CREB5: variants seen among roughly 807,000 people sequenced by gnomAD.
CREB5 encodes cyclic AMP-responsive element-binding protein 5.
In CREB5, 19 loss-of-function variants were observed where a neutral mutation model predicts 57.1. The observed-to-expected ratio is 0.33, with a 90% confidence interval of 0.23 to 0.49. The LOEUF (loss-of-function observed/expected upper bound fraction) is 0.49, where lower values mean the gene tolerates loss of function less well. Ranked by LOEUF, CREB5 falls within the 20% of genes least tolerant of loss-of-function variation. The pLI is 0.99. For missense variants in CREB5, 579 were observed against 671.6 expected, an observed-to-expected ratio of 0.86 and a Z score of 1.52; for synonymous variants, 238 against 238.3, an observed-to-expected ratio of 1.00 and a Z score of 0.01.
intron 7 of CREB5, among the ~76,000 whole-genome samples, chr7:28,742,459 G>A (rs962698433): frequency 5.9e-5 from 9 of 151,852 alleles, no homozygotes; most frequent in African/African-American, 1.5e-4. Context: ...CCAGCTACTC[G>A]GGAGGCTGAG....
At chr7:28,704,438 C>T (rs935446831) in intron 5 of CREB5, among the ~76,000 whole-genome samples, 14 of 152,126 alleles carry the variant, frequency 9.2e-5, no homozygotes, top group Admixed American at 3.3e-4. Flanking sequence ...CTTTAACTGA[C>T]GTGTTGCTTC....
chr7:28,317,795 A>C (rs1023143356), intron 1 of CREB5, among the ~76,000 whole-genome samples: 12 of 152,190 alleles, frequency 7.9e-5, no homozygotes, highest in Admixed American at 2.6e-4. Context: ...ATGTCAGGCT[A>C]ATCTCTTCAT....
Position 28,754,372 on chromosome 7 carries a change from A to G in CREB5, c.702+30040A>G, listed in dbSNP as rs968200448. 2.6e-5 allele frequency among the ~76,000 whole-genome samples: 4 copies of G among 152,328 alleles called. No homozygotes were observed. The East Asian group carries it at 7.7e-4, about 29-fold the overall frequency. On this transcript the variant is annotated intron_variant, in intron 7 of 10. Transcript: ENST00000357727. ...GTTCCAAAGGAGAGCCAGAACTGCA[A>G]GGAGTAGCATGTGGCCAGAACCTCA...
intron 5 of CREB5, among the ~76,000 whole-genome samples, chr7:28,639,108 T>TCCTCTAGACTATTTGAATAATTATGAGTC (rs1193301981): frequency 3.9e-5 from 6 of 152,234 alleles, no homozygotes; most frequent in Non-Finnish European, 2.9e-5. Context: ...TAGTATTAGT[T>TCCTCTAGACTATTTGAATAATTATGAGTC]CCTCTAGACT....
intron 4 of CREB5, among the ~76,000 whole-genome samples, chr7:28,535,499 C>T (rs1429929214): frequency 7.1e-6 from 1 of 141,354 alleles, no homozygotes; most frequent in Non-Finnish European, 1.6e-5. Context: ...TCTCGACTTC[C>T]TCTTTCATTT....
chr7:28,326,212 CCTAT>C (rs1385704618), intron 1 of CREB5, among the ~76,000 whole-genome samples: 2 of 106,606 alleles, frequency 1.9e-5, no homozygotes, highest in African/African-American at 6.2e-5. Context: ...TATCTATCTA[CCTAT>C]CTATCTTGAA....
chr7:28,748,092 G>A (rs963438310), intron 7 of CREB5, among the ~76,000 whole-genome samples: 2 of 152,176 alleles, frequency 1.3e-5, no homozygotes, highest in Non-Finnish European at 2.9e-5. Context: ...TGGATAAGCA[G>A]GATAAAAAAT....
chr7:28,445,741 TG>T (rs1562721132), intron 1 of CREB5, among the ~76,000 whole-genome samples: 1 of 151,676 alleles, frequency 6.6e-6, no homozygotes, highest in Non-Finnish European at 1.5e-5. Flanking sequence ...TTAGTTGAGA[TG>T]GGGTTTCACT....
rs78273092 is a variant in CREB5 at position 28,803,290 on chromosome 7, A to G, written c.703-909A>G. ...AGTATTGGAAGGGACCATAAGAAAA[A>G]TCATGGTAACAGAAAAGACCTACAC... On this transcript the variant is annotated intron_variant, in intron 7 of 10. Transcript: ENST00000357727. Among the ~76,000 whole-genome samples the G allele has an allele frequency of 3.8e-3, 580 of 152,124 alleles. 5 individuals carry two copies. Among genetic ancestry groups the G allele is most frequent in the African/African-American group, 0.013 (551 of 41,470 alleles).
intron 1 of CREB5, among the ~76,000 whole-genome samples, chr7:28,476,485 A>G (rs909455302): frequency 1.3e-5 from 2 of 152,162 alleles, no homozygotes; most frequent in Admixed American, 1.3e-4. Flanking sequence ...AACATCCCTG[A>G]GTCAGATAAA....
intron 4 of CREB5, among the ~76,000 whole-genome samples, chr7:28,567,566 A>T (rs897026683): frequency 3.3e-5 from 5 of 152,202 alleles, no homozygotes; most frequent in Admixed American, 6.5e-5. Flanking sequence ...AACAGCTATT[A>T]ATCAAATAAT....
chr7:28,658,953 G>GTA (rs72106956), intron 5 of CREB5, among the ~76,000 whole-genome samples: 3,615 of 99,530 alleles, frequency 0.036, 288 homozygotes, highest in Middle Eastern at 0.083. Context: ...GTGTGTGTGT[G>GTA]TATATATATA....
At chr7:28,686,321 C>T in intron 5 of CREB5, 2 of 704,946 alleles carry the variant, frequency 2.8e-6, no homozygotes, top group South Asian at 1.7e-5. Context: ...TTCTCCCTTT[C>T]TGCCCGTCTT....
chr7:28,803,511 C>G (rs1034460806), intron 7 of CREB5, among the ~76,000 whole-genome samples: 5 of 152,176 alleles, frequency 3.3e-5, no homozygotes, highest in East Asian at 3.8e-4. Flanking sequence ...GTAATCCCAG[C>G]ACTTTAGGAG....
At chr7:28,813,074 A>ATATT (rs554083718) in intron 9 of CREB5, among the ~76,000 whole-genome samples, 5 of 152,226 alleles carry the variant, frequency 3.3e-5, no homozygotes, top group Non-Finnish European at 7.3e-5. Context: ...ATTGGGGAAA[A>ATATT]TATTAGAAAC....
chr7:28,736,382 T>C (rs1331174010), intron 7 of CREB5, among the ~76,000 whole-genome samples: 1 of 151,980 alleles, frequency 6.6e-6, no homozygotes, highest in Non-Finnish European at 1.5e-5. Flanking sequence ...TTGTTCAGGC[T>C]GGTCTCGAAC....
At chr7:28,568,226 T>A (rs1410928598) in intron 4 of CREB5, among the ~76,000 whole-genome samples, 2 of 152,172 alleles carry the variant, frequency 1.3e-5, no homozygotes, top group Non-Finnish European at 2.9e-5. Flanking sequence ...GTCATATGTC[T>A]TATATTTTTC....
chr7:28,491,991 T>G (rs558030841), intron 2 of CREB5, among the ~76,000 whole-genome samples: 1 of 152,132 alleles, frequency 6.6e-6, no homozygotes, highest in East Asian at 1.9e-4. Flanking sequence ...GGTTTTTTTG[T>G]TTTTTGTCTC....
chr7:28,408,172 C>T (rs757468714), upstream of CREB5, among the ~76,000 whole-genome samples: 1 of 152,122 alleles, frequency 6.6e-6, no homozygotes, highest in African/African-American at 2.4e-5. Context: ...TCAGGCCAGC[C>T]CCCAACCTTC....
Sources: gnomAD v4.1 joint callset for allele counts (sites outside exome capture counted in the v4.1 genomes callset) on GRCh38, gnomAD v4.1.1 for gene constraint, MANE v1.5 for transcripts, NCBI Gene and HGNC (gene_info 2026-07-23, HGNC 2026-07-21) for gene names.